Variants in MALRD1 observed in about 807,000 individuals in gnomAD.
MALRD1 encodes MAM and LDL receptor class A domain containing 1.
A neutral mutation model predicts 242.1 loss-of-function variants in MALRD1; 247 were observed. The ratio of observed to expected loss-of-function variants is 1.02; its 90% CI spans 0.92 to 1.13. MALRD1 has a LOEUF of 1.13. Ranked by LOEUF, MALRD1 falls within the 50% of genes most tolerant of loss-of-function variation. The probability of loss-of-function intolerance (pLI) is 0.00; values close to 1 mark genes in which losing one functional copy is unlikely to be tolerated. For missense variants in MALRD1, 2,989 were observed against 2,533.1 expected (o/e 1.18, Z -3.86); for synonymous variants, 995 against 866.6 (o/e 1.15, Z -2.60).
At chr10:19,706,845 AC>A (rs2131860530) in intron 38 of MALRD1, among the ~76,000 whole-genome samples, 1 of 152,210 alleles carries the variant, frequency 6.6e-6, no homozygotes, top group Admixed American at 6.5e-5. Context: ...GCACCTTGAG[AC>A]AGGAAAAATA....
chr10:19,389,544 T>A lies in MALRD1; in HGVS notation c.4780T>A (p.Cys1594Ser). ...CATGTGGCGAGAATCCAGTGCAGCCTGCACCATGAGCTTCTGGTATTTCGT... is the reference window on the plus strand; with the variant it reads ...CATGTGGCGAGAATCCAGTGCAGCCAGCACCATGAGCTTCTGGTATTTCGT... ...STMWRESSAA[C>S]TMSFWYFVSA... Residue 1594 changes from cysteine to serine, a missense_variant, in exon 28 of 40, where the codon TGC becomes AGC. Cys to Ser is a moderately radical substitution (Grantham distance 112). Transcript: ENST00000454679. 6.4e-7 allele frequency: 1 copy of A among 1,550,752 alleles called. No homozygotes were observed. The highest frequency in any genetic ancestry group is 1.2e-5 in the South Asian group (1 of 84,064).
At chr10:19,319,812 A>G (rs182116483) in intron 21 of MALRD1, among the ~76,000 whole-genome samples, 58 of 152,158 alleles carry the variant, frequency 3.8e-4, no homozygotes, top group African/African-American at 1.2e-3. Flanking sequence ...TCACCTTTGT[A>G]TTTAGGAGTT....
chr10:19,573,196 C>T (rs1836647402), intron 33 of MALRD1, among the ~76,000 whole-genome samples: 1 of 152,200 alleles, frequency 6.6e-6, no homozygotes, highest in Non-Finnish European at 1.5e-5. Flanking sequence ...GCACGTGTTC[C>T]TTCTGGATCC....
chr10:19,648,016 G>A (rs1840723621), intron 36 of MALRD1, among the ~76,000 whole-genome samples: 1 of 152,126 alleles, frequency 6.6e-6, no homozygotes, highest in African/African-American at 2.4e-5. Flanking sequence ...ATGATGACTA[G>A]GGAAGCTGGA....
chr10:19,586,045 C>T (rs1007411970), intron 33 of MALRD1, among the ~76,000 whole-genome samples: 180 of 152,260 alleles, frequency 1.2e-3, no homozygotes, highest in Non-Finnish European at 2.0e-3. Flanking sequence ...GCATTCTTCA[C>T]GTAGTTTTCG....
chr10:19,442,960 TG>T (rs1231119033), intron 28 of MALRD1, among the ~76,000 whole-genome samples: 1 of 152,180 alleles, frequency 6.6e-6, no homozygotes, highest in Non-Finnish European at 1.5e-5. Context: ...GGACTTTTTT[TG>T]GTTGGTAAGC....
chr10:19,074,091 C>G (rs1000852832), intron 2 of MALRD1, among the ~76,000 whole-genome samples: 19 of 152,222 alleles, frequency 1.2e-4, no homozygotes, highest in African/African-American at 4.3e-4. Flanking sequence ...AGAAGATAGG[C>G]TAACAGTGTA....
chr10:19,734,264 C>A lies in MALRD1; in HGVS notation c.*27C>A. The A allele has an allele frequency of 2.6e-6, 4 of 1,509,584 alleles. No individual in the cohort carries two copies. The highest frequency in any genetic ancestry group is 3.6e-6 in the Non-Finnish European group (4 of 1,123,656). The allele number at this position is 1,509,584 out of a possible 1,614,324, so 93.5% of individuals were successfully genotyped here. On this transcript the variant is annotated 3_prime_UTR_variant, in exon 40 of 40. Coordinates refer to ENST00000454679, the MANE Select transcript of MALRD1 (RefSeq NM_001142308.3). ...AGCATCGAGACCAAGTCTGATCCAA[C>A]ATGTGTAGTTTCTAGAAAATTGAAG...
chr10:19,140,448 C>A (rs1001186091), intron 10 of MALRD1, among the ~76,000 whole-genome samples: 1 of 151,976 alleles, frequency 6.6e-6, no homozygotes, highest in Non-Finnish European at 1.5e-5. Flanking sequence ...TATATCTGCA[C>A]CCTCATGTTC....
chr10:19,593,749 CA>C (rs1455508098), intron 33 of MALRD1, among the ~76,000 whole-genome samples: 1 of 152,144 alleles, frequency 6.6e-6, no homozygotes, highest in Non-Finnish European at 1.5e-5. Flanking sequence ...AATGTAGACC[CA>C]AACCTTTGCT....
chr10:19,699,949 C>T (rs1378051612), intron 38 of MALRD1, among the ~76,000 whole-genome samples: 1 of 150,742 alleles, frequency 6.6e-6, no homozygotes. Flanking sequence ...CAACAAATAA[C>T]CAAACTATTA....
intron 32 of MALRD1, among the ~76,000 whole-genome samples, chr10:19,550,835 T>A (rs183302053): frequency 1.9e-4 from 29 of 152,314 alleles, no homozygotes; most frequent in African/African-American, 5.5e-4. Context: ...TATAATAGAA[T>A]GATTTATATT....
At chr10:19,696,168 A>T (rs1014800058) in intron 38 of MALRD1, among the ~76,000 whole-genome samples, 3 of 152,168 alleles carry the variant, frequency 2.0e-5, no homozygotes, top group African/African-American at 7.2e-5. Flanking sequence ...GGCTGGGCTC[A>T]TGCAAGACTC....
At chr10:19,336,180 AG>A (rs1399009330) in intron 24 of MALRD1, among the ~76,000 whole-genome samples, 3 of 152,252 alleles carry the variant, frequency 2.0e-5, no homozygotes, top group African/African-American at 7.2e-5. Flanking sequence ...TACAGGATGT[AG>A]TCAAAAGTGA....
In MALRD1 at chr10:19,266,283, C is replaced by G. The variant is rs191174167; in HGVS notation, c.3079+8512C>G. ...ATTCCTTCCTAGCTGTTTCGTAGAT[C>G]TTTTGTTTCTTTCTCTCTTGCTATC... On this transcript the variant is annotated intron_variant, in intron 19 of 39. Coordinates refer to ENST00000454679, the MANE Select transcript of MALRD1 (RefSeq NM_001142308.3). 3.3e-5 allele frequency among the ~76,000 whole-genome samples: 5 copies of G among 151,636 alleles called. No individual in the cohort carries two copies. The East Asian group carries it at 9.7e-4, about 29-fold the overall frequency.
intron 28 of MALRD1, among the ~76,000 whole-genome samples, chr10:19,413,996 T>C (rs1036548518): frequency 2.0e-5 from 3 of 151,704 alleles, no homozygotes; most frequent in Non-Finnish European, 4.4e-5. Flanking sequence ...TTTTACCAAT[T>C]GCATTCCTCA....
intron 2 of MALRD1, among the ~76,000 whole-genome samples, chr10:19,079,456 G>T (rs1835414369): frequency 6.6e-6 from 1 of 151,760 alleles, no homozygotes; most frequent in Admixed American, 6.6e-5. Flanking sequence ...TTCTTTTGTT[G>T]TTGGGTGGAG....
intron 4 of MALRD1, among the ~76,000 whole-genome samples, chr10:19,101,824 A>T (rs1187126729): frequency 7.3e-6 from 1 of 136,302 alleles, no homozygotes; most frequent in African/African-American, 2.6e-5. Flanking sequence ...ATAATATATA[A>T]ATATGTTATA....
intron 29 of MALRD1, among the ~76,000 whole-genome samples, chr10:19,484,346 A>T (rs2131189632): frequency 6.6e-6 from 1 of 152,358 alleles, no homozygotes; most frequent in African/African-American, 2.4e-5. Context: ...TGTTTTAATT[A>T]ATGCACCCAG....
Sources: allele counts gnomAD v4.1 joint callset (sites outside exome capture counted in the v4.1 genomes callset), GRCh38; gene constraint gnomAD v4.1.1; transcripts MANE v1.5; gene names NCBI Gene and HGNC (gene_info 2026-07-23, HGNC 2026-07-21).